GLG1: variants seen among roughly 807,000 people sequenced by gnomAD.
GLG1 encodes the protein golgi glycoprotein 1.
Under a neutral mutation model 160.5 loss-of-function variants are expected in GLG1, and 38 were observed. The ratio of observed to expected loss-of-function variants is 0.24; its 90% CI spans 0.18 to 0.31. The LOEUF is 0.31. Among genes scored for constraint, GLG1 ranks in the 10% least tolerant of loss-of-function variants. The probability of loss-of-function intolerance (pLI) is 1.00; values close to 1 mark genes in which losing one functional copy is unlikely to be tolerated. For missense variants in GLG1, 1,373 were observed against 1,505.2 expected (o/e 0.91, Z 1.45); for synonymous variants, 644 against 543.4 (o/e 1.19, Z -2.57).
chr16:74,516,096 A>G (rs2016969347), intron 2 of GLG1, among the ~76,000 whole-genome samples: 1 of 151,664 alleles, frequency 6.6e-6, no homozygotes, highest in African/African-American at 2.4e-5. Flanking sequence ...ACTCTCACAC[A>G]ATAATAATGG....
chr16:74,562,707 T>G (rs544872148), intron 1 of GLG1, among the ~76,000 whole-genome samples: 1 of 152,274 alleles, frequency 6.6e-6, no homozygotes, highest in East Asian at 1.9e-4. Flanking sequence ...AGACCTGACC[T>G]CCAGTGATTC....
At chr16:74,593,970 G>A (rs192331232) in intron 1 of GLG1, among the ~76,000 whole-genome samples, 71 of 151,842 alleles carry the variant, frequency 4.7e-4, no homozygotes, top group African/African-American at 1.6e-3. Flanking sequence ...GCAATGGCAC[G>A]ATCTTGGCTC....
chr16:74,545,258 GA>G (rs1470597690), intron 1 of GLG1, among the ~76,000 whole-genome samples: 31 of 152,016 alleles, frequency 2.0e-4, no homozygotes, highest in Non-Finnish European at 3.8e-4. Context: ...TCAGTTCACT[GA>G]AGCCTCAACC....
chr16:74,535,510 A>G (rs1402259093), intron 1 of GLG1, among the ~76,000 whole-genome samples: 1 of 152,216 alleles, frequency 6.6e-6, no homozygotes, highest in Non-Finnish European at 1.5e-5. Flanking sequence ...ATGGCTCAAT[A>G]CAGCGTCCAC....
chr16:74,566,288 A>C (rs569534768), intron 1 of GLG1, among the ~76,000 whole-genome samples: 1 of 152,230 alleles, frequency 6.6e-6, no homozygotes, highest in Admixed American at 6.5e-5. Flanking sequence ...GGACAGGGAA[A>C]GTATCTACAT....
chr16:74,533,184 G>A (rs1052707632), intron 1 of GLG1, among the ~76,000 whole-genome samples: 22 of 152,082 alleles, frequency 1.4e-4, no homozygotes, highest in African/African-American at 5.1e-4. Context: ...AGCCGGGCGT[G>A]GTGGCAGGCG....
chr16:74,459,781 A>T lies in GLG1; in HGVS notation c.3045T>A (p.Ser1015Arg). 6.3e-7 allele frequency: 1 copy of T among 1,584,264 alleles called. No homozygotes were observed. The highest frequency in any genetic ancestry group is 8.6e-7 in the Non-Finnish European group (1 of 1,156,222). Residue 1015 changes from serine to arginine, a missense_variant, in exon 23 of 26, where the codon AGT (serine) becomes AGA (arginine). Around this residue, in one of 4 missense-constraint regions of GLG1, gnomAD observed 491 missense variants for 632.1 expected, o/e 0.78. Coordinates refer to ENST00000422840, the MANE Select transcript of GLG1 (RefSeq NM_001145667.2). ...GGGCTGCTGCTTCTTCAGCACATAG[A>T]CTGGAGATCTGTTCAGGAGACACAA... ...LQLHCSDEIS[S>R]LCAEEAAAQE...
chr16:74,488,082 T>C (rs951953006), intron 8 of GLG1, among the ~76,000 whole-genome samples: 3 of 152,146 alleles, frequency 2.0e-5, no homozygotes, highest in African/African-American at 7.2e-5. Flanking sequence ...ATGGTGCATT[T>C]GGGAGAGTAA....
intron 1 of GLG1, among the ~76,000 whole-genome samples, chr16:74,547,549 T>C (rs1210363506): frequency 1.3e-5 from 2 of 152,268 alleles, no homozygotes; most frequent in East Asian, 1.9e-4. Context: ...GACTATGGAA[T>C]TGTTCATTCT....
intron 1 of GLG1, among the ~76,000 whole-genome samples, chr16:74,580,451 T>A (rs1425888356): frequency 1.3e-5 from 2 of 152,138 alleles, no homozygotes; most frequent in Non-Finnish European, 2.9e-5. Context: ...GTAAGCCATA[T>A]TCACGCCATT....
intron 2 of GLG1, among the ~76,000 whole-genome samples, chr16:74,511,023 G>A (rs768937456): frequency 4.6e-5 from 7 of 152,266 alleles, no homozygotes; most frequent in Non-Finnish European, 5.9e-5. Context: ...TGGAAGCAAG[G>A]GGTGGAGGGA....
At chr16:74,584,152 A>G (rs1455619312) in intron 1 of GLG1, among the ~76,000 whole-genome samples, 1 of 152,122 alleles carries the variant, frequency 6.6e-6, no homozygotes, top group Non-Finnish European at 1.5e-5. Flanking sequence ...CCTACCCAAG[A>G]ATGTTTATAG....
intron 23 of GLG1, chr16:74,458,267 G>T (rs747576897): frequency 3.0e-6 from 1 of 334,034 alleles, no homozygotes; most frequent in South Asian, 7.9e-5. Flanking sequence ...TGGCATTCCC[G>T]TATGTCATGT....
intron 1 of GLG1, among the ~76,000 whole-genome samples, chr16:74,583,601 A>G (rs1183803354): frequency 6.6e-6 from 1 of 152,102 alleles, no homozygotes; most frequent in African/African-American, 2.4e-5. Context: ...GCTGGTCTTG[A>G]ACTCCTGACC....
chr16:74,524,932 T>A (rs1567502777), intron 2 of GLG1, among the ~76,000 whole-genome samples: 1 of 152,238 alleles, frequency 6.6e-6, no homozygotes, highest in African/African-American at 2.4e-5. Flanking sequence ...CTTTTTGTGA[T>A]CTTTTGAGTC....
rs370392828 is a variant in GLG1, at chr16:74,471,131, C to T, written c.2229+42G>A. 8.0e-6 allele frequency: 8 copies of T among 997,928 alleles called. No individual in the cohort carries two copies. The African/African-American group carries it at 9.5e-5, about 12-fold the overall frequency. 61.8% of individuals were successfully genotyped at this position (997,928 alleles called of 1,614,324 possible). On this transcript the variant is annotated intron_variant, in intron 15 of 25. Coordinates refer to ENST00000422840, the MANE Select transcript of GLG1 (RefSeq NM_001145667.2). ...AAAAGGAAAGGATTCAGTCAACATC[C>T]AGGCAGCTATGATGGGATATTGGCA...
At chr16:74,513,880 C>T (rs1372838068) in intron 2 of GLG1, among the ~76,000 whole-genome samples, 1 of 152,042 alleles carries the variant, frequency 6.6e-6, no homozygotes, top group Non-Finnish European at 1.5e-5. Context: ...CAAAAGGAAG[C>T]TAAAAACCTT....
rs1555505596 is a variant in GLG1 at position 74,449,788 on chromosome 16, CGCTTTCCCGGGGGTGATCCCAA to C, written c.*3357_*3378del. The stretch of plus-strand genomic sequence containing the variant: ...CTGGGGGTGGTAGCCCGGGGAAGAT[CGCTTTCCCGGGGGTGATCCCAA>C]GCCTATGGAGTGCATGGCTCCCCTG... On this transcript the variant is annotated 3_prime_UTR_variant, in exon 26 of 26. Transcript: ENST00000422840. 2 of 152,360 alleles carry C rather than the reference CGCTTTCCCGGGGGTGATCCCAA, an allele frequency of 1.3e-5. No individual in the cohort carries two copies. Among genetic ancestry groups the C allele is most frequent in the Non-Finnish European group, 1.5e-5 (1 of 68,188 alleles). 9.4% of individuals were successfully genotyped at this position (152,360 alleles called of 1,614,324 possible). A position where few individuals can be genotyped will look rare whatever the true frequency, so the allele number is the denominator to read the frequency against.
At position 74,518,469 on chromosome 16, in the gene GLG1, A is replaced by C. The variant is rs139673410; in HGVS notation, c.472-9544T>G. Reference sequence around the variant, plus strand: ...TGGGGAAAAGATTCCCTATTTAATAAATGGTGTTGGGAAAACTGGCTAGCC... The same window carrying C: ...TGGGGAAAAGATTCCCTATTTAATACATGGTGTTGGGAAAACTGGCTAGCC... On this transcript the variant is annotated intron_variant, in intron 2 of 25. Coordinates refer to ENST00000422840, the MANE Select transcript of GLG1 (RefSeq NM_001145667.2). 2.6e-5 allele frequency among the ~76,000 whole-genome samples: 4 copies of C among 152,286 alleles called. No individual in the cohort carries two copies. The East Asian group carries it at 7.7e-4, about 29-fold the overall frequency.
Sources: allele counts gnomAD v4.1 joint callset (sites outside exome capture counted in the v4.1 genomes callset), GRCh38; gene constraint gnomAD v4.1.1; regional missense constraint gnomAD v4.1.1; transcripts MANE v1.5; gene names NCBI Gene and HGNC (gene_info 2026-07-23, HGNC 2026-07-21).